The following KCNQ1 variants were observed in gnomAD, a reference collection of about 807,000 sequenced individuals.
The protein encoded by KCNQ1 is potassium voltage-gated channel subfamily Q member 1, also known as potassium voltage-gated channel subfamily KQT member 1.
Under a neutral mutation model 72.4 loss-of-function variants are expected in KCNQ1, and 49 were observed. The ratio of observed to expected loss-of-function variants is 0.68; its 90% CI spans 0.54 to 0.86. The LOEUF (loss-of-function observed/expected upper bound fraction) is 0.86. Among genes scored for constraint, KCNQ1 ranks in the 40% least tolerant of loss-of-function variants. The pLI, the probability that KCNQ1 is intolerant of heterozygous loss-of-function variation, is 0.00. For missense variants in KCNQ1, 790 were observed against 945.1 expected (o/e 0.84, Z 2.15); for synonymous variants, 450 against 412.6 (o/e 1.09, Z -1.10).
rs1849978951 is a variant in KCNQ1, at chr11:2,662,453, T to C, written c.1514+372T>C. On this transcript the variant is annotated intron_variant, in intron 11 of 15. Coordinates refer to ENST00000155840, the MANE Select transcript of KCNQ1 (RefSeq NM_000218.3). The stretch of plus-strand genomic sequence containing the variant: ...CCCCATGGAACCCTGGCCAAAGCCA[T>C]GGGGCAGATGCCGGGTGCAGTCTGC... 5.1e-5 allele frequency: 13 copies of C among 257,012 alleles called. No individual in the cohort carries two copies. The East Asian group carries it at 5.9e-4, about 12-fold the overall frequency. The allele number at this position is 257,012 out of a possible 1,614,324, so 15.9% of individuals were successfully genotyped here.
In KCNQ1 at chr11:2,713,858, A is replaced by C. The variant is rs1412445720; in HGVS notation, c.1514+51777A>C. 6.6e-6 allele frequency among the ~76,000 whole-genome samples: 1 copy of C among 152,176 alleles called. No homozygotes were observed. The highest frequency in any genetic ancestry group is 6.5e-5 in the Admixed American group (1 of 15,286). ...TACATTACTGCAATATTGCTTCCAG[A>C]TGGGCAAACGCGCGCTCGGAGCCTG... On this transcript the variant is annotated intron_variant, in intron 11 of 15. Transcript: ENST00000155840. This position sits in a 1 kb window ranked among gnomAD's most constrained non-coding sequence, Gnocchi z 5.6.
At chr11:2,791,022 T>C (rs1244810457) in intron 15 of KCNQ1, among the ~76,000 whole-genome samples, 2 of 152,212 alleles carry the variant, frequency 1.3e-5, no homozygotes, top group Non-Finnish European at 2.9e-5. Context: ...AGCCTGCCTG[T>C]GGGGGACAGT....
At position 2,473,043 on chromosome 11, in the gene KCNQ1, C is replaced by T. The variant is rs1189509698; in HGVS notation, c.386+27559C>T. Among the ~76,000 whole-genome samples the T allele has an allele frequency of 6.6e-6, 1 of 152,056 alleles. No homozygotes were observed. The highest frequency in any genetic ancestry group is 2.4e-5 in the African/African-American group (1 of 41,396). ...CATTGGAGGAGACTGTCCCATGTCC[C>T]TCCAGATCATGTCCCTGAGTGGGGA... On this transcript the variant is annotated intron_variant, in intron 1 of 15. Transcript: ENST00000155840. This position sits in a 1 kb window ranked among gnomAD's most constrained non-coding sequence, Gnocchi z 6.0.
In KCNQ1 at chr11:2,577,463, G is replaced by A. The variant is rs570273454; in HGVS notation, c.921+4477G>A. On this transcript the variant is annotated intron_variant, in intron 6 of 15. Coordinates refer to ENST00000155840, the MANE Select transcript of KCNQ1 (RefSeq NM_000218.3). ...CCTGGCTGTACCTCGGGGAAGACGC[G>A]GCCTGGGGCCTGGGTGCCATGGGGG... Among the ~76,000 whole-genome samples, 339 of 152,284 alleles carry A rather than the reference G, an allele frequency of 2.2e-3. 1 individual carries two copies. The highest frequency in any genetic ancestry group is 3.8e-3 in the Non-Finnish European group (261 of 68,024).
chr11:2,524,337 G>A (rs184824495), intron 1 of KCNQ1, among the ~76,000 whole-genome samples: 324 of 152,324 alleles, frequency 2.1e-3, no homozygotes, highest in Non-Finnish European at 3.3e-3. Context: ...GCCGGGTCAG[G>A]GAACCAGGCT....
intron 6 of KCNQ1, among the ~76,000 whole-genome samples, chr11:2,580,648 C>G (rs1187741304): frequency 1.3e-5 from 2 of 152,182 alleles, no homozygotes; most frequent in Non-Finnish European, 2.9e-5. Context: ...TGAGCCCAGC[C>G]CCAGCAGATC....
Position 2,481,527 on chromosome 11 carries a change from C to T in KCNQ1, c.386+36043C>T, listed in dbSNP as rs1000169307. ...CAACCCCCAGGCCATGAAGCACTAC[C>T]AGTCCATGGCCTGTTAGGAACCAGG... On this transcript the variant is annotated intron_variant, in intron 1 of 15. Coordinates refer to ENST00000155840, the MANE Select transcript of KCNQ1 (RefSeq NM_000218.3). The surrounding 1 kb of genome is among the most constrained non-coding windows in gnomAD (Gnocchi z 4.6). 6.6e-6 allele frequency among the ~76,000 whole-genome samples: 1 copy of T among 152,190 alleles called. No homozygotes were observed. Among genetic ancestry groups the T allele is most frequent in the African/African-American group, 2.4e-5 (1 of 41,430 alleles).
At position 2,674,363 on chromosome 11, in the gene KCNQ1, A is replaced by G. The variant is rs1850248949; in HGVS notation, c.1514+12282A>G. ...TGAATTCCATTCGCTCTTGGCAAAG[A>G]GCAGCTTCCTGCTTAGGGAAGGTGC... is the stretch of plus-strand genomic sequence containing the variant. On this transcript the variant is annotated intron_variant, in intron 11 of 15. Transcript: ENST00000155840. This position sits in a 1 kb window ranked among gnomAD's most constrained non-coding sequence, Gnocchi z 5.9. 2 of 377,804 alleles carry G rather than the reference A, an allele frequency of 5.3e-6. No homozygotes were observed. Among genetic ancestry groups the G allele is most frequent in the Non-Finnish European group, 9.4e-6 (2 of 213,400 alleles). The allele number at this position is 377,804 out of a possible 1,614,324, so 23.4% of individuals were successfully genotyped here. A position where few individuals can be genotyped will look rare whatever the true frequency, so the allele number is the denominator to read the frequency against.
Position 2,848,848 on chromosome 11 carries a change from C to T in KCNQ1, c.*845C>T, listed in dbSNP as rs1323785482. The T allele has an allele frequency of 2.2e-6, 1 of 454,188 alleles. No homozygotes were observed. The highest frequency in any genetic ancestry group is 1.6e-5 in the South Asian group (1 of 64,484). 28.1% of individuals were successfully genotyped at this position (454,188 alleles called of 1,614,324 possible). A position where few individuals can be genotyped will look rare whatever the true frequency, so the allele number is the denominator to read the frequency against. ...AGCCGCAGAGAAGTGACGGTTCCTA[C>T]ACAGGACAGGGGTTCCTTCTGGGCA... On this transcript the variant is annotated 3_prime_UTR_variant, in exon 16 of 16. Transcript: ENST00000155840.
chr11:2,583,440 A>G lies in KCNQ1; in HGVS notation c.927A>G (p.Thr309=). The change falls in exon 7 of 16, where the codon ACA becomes ACG. Residue 309 remains threonine (T), a synonymous_variant. Transcript: ENST00000155840. ...CACTGTCCCTCTCCCTGCAGGTCACAGTCACCACCATCGGCTATGGGGACA... is the reference window on the plus strand; with the variant it reads ...CACTGTCCCTCTCCCTGCAGGTCACGGTCACCACCATCGGCTATGGGGACA... ...YADALWWGVV[T]VTTIGYGDKV... 1.2e-6 allele frequency: 2 copies of G among 1,612,064 alleles called. No homozygotes were observed. The highest frequency in any genetic ancestry group is 1.1e-5 in the South Asian group (1 of 91,054).
rs199472735 is a variant in KCNQ1, at chr11:2,572,925, C to A, written c.860C>A (p.Ala287Glu). The A allele has an allele frequency of 5.6e-5, 91 of 1,613,688 alleles. No individual in the cohort carries two copies. Among genetic ancestry groups the A allele is most frequent in the Admixed American group, 8.3e-5 (5 of 59,998 alleles). The change falls in exon 6 of 16, where the codon GCG becomes GAG. Residue 287 changes from alanine to glutamate, a missense_variant. Ala to Glu is a moderately radical substitution (Grantham distance 107). Coordinates refer to ENST00000155840, the MANE Select transcript of KCNQ1 (RefSeq NM_000218.3). ...SYFVYLAEKD[A>E]VNESGRVEFG... ...TTTGTGTACCTGGCTGAGAAGGACGCGGTGAACGAGTCAGGCCGCGTGGAG... is the reference window on the plus strand; with the variant it reads ...TTTGTGTACCTGGCTGAGAAGGACGAGGTGAACGAGTCAGGCCGCGTGGAG...
In KCNQ1 at chr11:2,593,766, C is replaced by T. The variant is rs368367439; in HGVS notation, c.1393+4912C>T. Among the ~76,000 whole-genome samples, 101 of 152,326 alleles carry T rather than the reference C, an allele frequency of 6.6e-4. No homozygotes were observed. In the South Asian group the frequency reaches 0.021, roughly 31 times the overall value. ...GGCTGTAGCCTCCTCCTGCTCCCGG[C>T]TCCGCGTCCTCAGCCCAACACACCA... On this transcript the variant is annotated intron_variant, in intron 10 of 15. Transcript: ENST00000155840. The surrounding 1 kb of genome is among the most constrained non-coding windows in gnomAD (Gnocchi z 6.9).
intron 11 of KCNQ1, among the ~76,000 whole-genome samples, chr11:2,708,149 T>C (rs1850942379): frequency 6.6e-6 from 1 of 152,222 alleles, no homozygotes; most frequent in African/African-American, 2.4e-5. Context: ...CATTGTTTTT[T>C]ATGGAACTGG....
chr11:2,501,668 C>T (rs1427326181), intron 1 of KCNQ1, among the ~76,000 whole-genome samples: 1 of 136,276 alleles, frequency 7.3e-6, no homozygotes, highest in South Asian at 2.5e-4. Flanking sequence ...CCTCCAAACT[C>T]ATCTACAAGG....
rs955968490 is a variant in KCNQ1, at chr11:2,509,418, A to C, written c.387-18510A>C. On this transcript the variant is annotated intron_variant, in intron 1 of 15. Coordinates refer to ENST00000155840, the MANE Select transcript of KCNQ1 (RefSeq NM_000218.3). The surrounding 1 kb of genome is among the most constrained non-coding windows in gnomAD (Gnocchi z 6.3). ...AGACTTGGCTCCCTTTGCTCCAGTGAGTGGCCGTTGGCTGGGAGGCTGGGT... is the reference window on the plus strand; with the variant it reads ...AGACTTGGCTCCCTTTGCTCCAGTGCGTGGCCGTTGGCTGGGAGGCTGGGT... Among the ~76,000 whole-genome samples the C allele has an allele frequency of 6.6e-6, 1 of 152,054 alleles. No homozygotes were observed. Among genetic ancestry groups the C allele is most frequent in the African/African-American group, 2.4e-5 (1 of 41,390 alleles).
At chr11:2,528,364 C>T (rs548358994) in intron 2 of KCNQ1, among the ~76,000 whole-genome samples, 1 of 152,316 alleles carries the variant, frequency 6.6e-6, no homozygotes, top group South Asian at 2.1e-4. Context: ...CTTCGTGTCC[C>T]TGGGGTCTGG....
In KCNQ1 at chr11:2,559,253, G is replaced by A. The variant is rs1217555677; in HGVS notation, c.478-11375G>A. ...GGAGAGGATGCATTCGACACCCAAG[G>A]CCTTATGGAATCAGTCCTGGGGCCT... On this transcript the variant is annotated intron_variant, in intron 2 of 15. Transcript: ENST00000155840. The surrounding 1 kb of genome is among the most constrained non-coding windows in gnomAD (Gnocchi z 4.9). Among the ~76,000 whole-genome samples, 1 of 152,094 alleles carries A rather than the reference G, an allele frequency of 6.6e-6. No homozygotes were observed. The highest frequency in any genetic ancestry group is 1.5e-5 in the Non-Finnish European group (1 of 68,006).
rs1263025558 is a variant in KCNQ1, at chr11:2,603,159, T to C, written c.1393+14305T>C. ...CACTGCAATGAAGCAAATATTGCAA[T>C]AAAGCAAGTCACACAAATTTTTTGG... On this transcript the variant is annotated intron_variant, in intron 10 of 15. Coordinates refer to ENST00000155840, the MANE Select transcript of KCNQ1 (RefSeq NM_000218.3). The surrounding 1 kb of genome is among the most constrained non-coding windows in gnomAD (Gnocchi z 4.1). Among the ~76,000 whole-genome samples the C allele has an allele frequency of 6.6e-6, 1 of 152,224 alleles. No individual in the cohort carries two copies. Among genetic ancestry groups the C allele is most frequent in the Non-Finnish European group, 1.5e-5 (1 of 68,040 alleles).
rs1846850804 is a variant in KCNQ1 at position 2,492,415 on chromosome 11, T to C, written c.387-35513T>C. ...AACGTGCAGGTTTGTTACATACGTATACAGTGCCATGGTGGTTTGCTGCAC... is the reference window on the plus strand; with the variant it reads ...AACGTGCAGGTTTGTTACATACGTACACAGTGCCATGGTGGTTTGCTGCAC... On this transcript the variant is annotated intron_variant, in intron 1 of 15. Transcript: ENST00000155840. The surrounding 1 kb of genome is among the most constrained non-coding windows in gnomAD (Gnocchi z 4.1). Among the ~76,000 whole-genome samples, 1 of 152,220 alleles carries C rather than the reference T, an allele frequency of 6.6e-6. No homozygotes were observed. Among genetic ancestry groups the C allele is most frequent in the South Asian group, 2.1e-4 (1 of 4,832 alleles).
Sources: allele counts gnomAD v4.1 joint callset (sites outside exome capture counted in the v4.1 genomes callset), GRCh38; gene constraint gnomAD v4.1.1; non-coding constraint Gnocchi (gnomAD v3.1); transcripts MANE v1.5; gene names NCBI Gene and HGNC (gene_info 2026-07-23, HGNC 2026-07-21).